GTF2H5: variants seen among roughly 807,000 people sequenced by gnomAD.
GTF2H5 encodes TFB5 ortholog.
Under a neutral mutation model 7.1 loss-of-function variants are expected in GTF2H5, and 5 were observed. The observed-to-expected ratio is 0.71, with a 90% CI of 0.37 to 1.49. The LOEUF (loss-of-function observed/expected upper bound fraction) is 1.49. Among genes scored for constraint, GTF2H5 ranks in the 40% most tolerant of loss-of-function variants. The pLI is 0.03. For missense variants in GTF2H5, 80 were observed against 83.0 expected, an observed-to-expected ratio of 0.96 and a Z score of 0.14; for synonymous variants, 30 against 31.7, an observed-to-expected ratio of 0.95 and a Z score of 0.18.
chr6:158,182,709 G>A (rs1026611610), intron 2 of GTF2H5, among the ~76,000 whole-genome samples: 2 of 151,908 alleles, frequency 1.3e-5, no homozygotes, highest in African/African-American at 2.4e-5. Flanking sequence ...TTCTCGTACT[G>A]TGGTTTTCAG....
chr6:158,177,393 A>C (rs1785947895), intron 2 of GTF2H5, among the ~76,000 whole-genome samples: 1 of 152,202 alleles, frequency 6.6e-6, no homozygotes, highest in African/African-American at 2.4e-5. Flanking sequence ...CTTTTATTTC[A>C]GGGTTTATCC....
In GTF2H5 at chr6:158,193,860, G is replaced by A. The variant is rs537165081; in HGVS notation, c.*1703G>A. On this transcript the variant is annotated 3_prime_UTR_variant, in exon 3 of 3. Transcript: ENST00000607778. ...AAAAATTAGCCGGGCCTGGTGGCGG[G>A]TGCCTGTAGTCCCATCTACTCAGGA... 2 of 152,104 alleles carry A rather than the reference G, an allele frequency of 1.3e-5. No individual in the cohort carries two copies. Among genetic ancestry groups the A allele is most frequent in the East Asian group, 1.9e-4 (1 of 5,166 alleles). The allele number at this position is 152,104 out of a possible 1,614,324, so 9.4% of individuals were successfully genotyped here.
Position 158,169,637 on chromosome 6 carries a change from A to ATAT in GTF2H5, c.-34-833_-34-832insTAT, listed in dbSNP as rs1491296928. Reference sequence around the variant, plus strand: ...TATTACATATAATATATTGTATATTACATATATTGTATATTACATATAATA... The same window carrying ATAT: ...TATTACATATAATATATTGTATATTATATCATATATTGTATATTACATATAATA... On this transcript the variant is annotated intron_variant, in intron 1 of 2. Transcript: ENST00000607778. 1.2e-3 allele frequency among the ~76,000 whole-genome samples: 57 copies of ATAT among 49,368 alleles called. 5 individuals carry two copies. The highest frequency in any genetic ancestry group is 5.8e-3 in the African/African-American group (54 of 9,298). 32.4% of individuals were successfully genotyped at this position (49,368 alleles called of 152,430 possible).
rs112565139 is a variant in GTF2H5, at chr6:158,173,949, G to A, written c.35+3411G>A. Reference sequence around the variant, plus strand: ...GGAGTCCCCAGTCCAGACCATACGGGGTAACTTCTAGATATTGCCATGGCA... The same window carrying A: ...GGAGTCCCCAGTCCAGACCATACGGAGTAACTTCTAGATATTGCCATGGCA... On this transcript the variant is annotated intron_variant, in intron 2 of 2. Coordinates refer to ENST00000607778, the MANE Select transcript of GTF2H5 (RefSeq NM_207118.3). Among the ~76,000 whole-genome samples, 205 of 152,234 alleles carry A rather than the reference G, an allele frequency of 1.3e-3. 1 individual carries two copies. Among genetic ancestry groups the A allele is most frequent in the African/African-American group, 4.7e-3 (194 of 41,536 alleles).
intron 2 of GTF2H5, among the ~76,000 whole-genome samples, chr6:158,177,473 T>C (rs1372679415): frequency 6.6e-6 from 1 of 152,156 alleles, no homozygotes. Context: ...GATGGGGACT[T>C]TTTGATTAGG....
rs1402766176 is a variant in GTF2H5 at position 158,199,288 on chromosome 6, T to C, written c.*7131T>C. On this transcript the variant is annotated 3_prime_UTR_variant, in exon 3 of 3. Coordinates refer to ENST00000607778, the MANE Select transcript of GTF2H5 (RefSeq NM_207118.3). ...TCCCCACCTATACCCAATATATCCA[T>C]GGGACAAGCATGTACATGCACCCCC... 1 of 152,100 alleles carries C rather than the reference T, an allele frequency of 6.6e-6. No homozygotes were observed. Among genetic ancestry groups the C allele is most frequent in the Non-Finnish European group, 1.5e-5 (1 of 68,030 alleles). 9.4% of individuals were successfully genotyped at this position (152,100 alleles called of 1,614,324 possible).
chr6:158,175,038 G>GTATATA (rs1412446243), intron 2 of GTF2H5, among the ~76,000 whole-genome samples: 7 of 133,506 alleles, frequency 5.2e-5, no homozygotes, highest in African/African-American at 2.3e-4. Flanking sequence ...GTGTGTGTGT[G>GTATATA]TGTGTGTATA....
chr6:158,172,602 T>C (rs1014407697), intron 2 of GTF2H5, among the ~76,000 whole-genome samples: 2 of 152,158 alleles, frequency 1.3e-5, no homozygotes, highest in African/African-American at 4.8e-5. Flanking sequence ...CCAGCCTAGC[T>C]TCTTTTTTGT....
chr6:158,176,589 A>T (rs1785937076), intron 2 of GTF2H5, among the ~76,000 whole-genome samples: 1 of 152,192 alleles, frequency 6.6e-6, no homozygotes. Flanking sequence ...TCATAGGTTA[A>T]TGGTTTTGTA....
chr6:158,187,847 T>C (rs1003341274), intron 2 of GTF2H5, among the ~76,000 whole-genome samples: 1 of 152,184 alleles, frequency 6.6e-6, no homozygotes, highest in Non-Finnish European at 1.5e-5. Context: ...ATTACAGGCG[T>C]GAGCCACCGC....
intron 2 of GTF2H5, among the ~76,000 whole-genome samples, chr6:158,188,398 A>C (rs1049427551): frequency 3.3e-5 from 5 of 152,244 alleles, no homozygotes; most frequent in Non-Finnish European, 7.3e-5. Context: ...ATGGTTTTCA[A>C]GAAACTGAAA....
intron 2 of GTF2H5, chr6:158,190,782 T>C (rs894413545): frequency 8.0e-6 from 3 of 374,668 alleles, no homozygotes; most frequent in South Asian, 2.0e-5. Context: ...TTATATGAGA[T>C]TTTTTTCTCA....
At chr6:158,180,021 C>T (rs904357627) in intron 2 of GTF2H5, among the ~76,000 whole-genome samples, 11 of 152,098 alleles carry the variant, frequency 7.2e-5, no homozygotes, top group Non-Finnish European at 1.5e-4. Context: ...TACATTCCAT[C>T]GATACGTAGT....
chr6:158,180,275 C>T (rs947967554), intron 2 of GTF2H5, among the ~76,000 whole-genome samples: 1 of 152,012 alleles, frequency 6.6e-6, no homozygotes, highest in African/African-American at 2.4e-5. Flanking sequence ...TCGGTTTGCC[C>T]GTATTTTATT....
At chr6:158,187,449 G>A (rs905009642) in intron 2 of GTF2H5, among the ~76,000 whole-genome samples, 2 of 152,170 alleles carry the variant, frequency 1.3e-5, no homozygotes, top group Non-Finnish European at 2.9e-5. Flanking sequence ...ATATTTTGGT[G>A]TAAAATACAA....
At position 158,169,637 on chromosome 6, in the gene GTF2H5, A is replaced by ATATAATGTATAT. The variant is rs1491296928; in HGVS notation, c.-34-833_-34-832insTATAATGTATAT. ...TATTACATATAATATATTGTATATTACATATATTGTATATTACATATAATA... is the reference window on the plus strand; with the variant it reads ...TATTACATATAATATATTGTATATTATATAATGTATATCATATATTGTATATTACATATAATA... On this transcript the variant is annotated intron_variant, in intron 1 of 2. Coordinates refer to ENST00000607778, the MANE Select transcript of GTF2H5 (RefSeq NM_207118.3). Among the ~76,000 whole-genome samples the ATATAATGTATAT allele has an allele frequency of 8.1e-5, 4 of 49,420 alleles. 1 individual carries two copies. Among genetic ancestry groups the ATATAATGTATAT allele is most frequent in the African/African-American group, 4.3e-4 (4 of 9,310 alleles). The allele number at this position is 49,420 out of a possible 152,430, so 32.4% of individuals were successfully genotyped here.
intron 2 of GTF2H5, among the ~76,000 whole-genome samples, chr6:158,180,588 T>C (rs1227487851): frequency 6.6e-6 from 1 of 152,190 alleles, no homozygotes; most frequent in African/African-American, 2.4e-5. Context: ...TTCTTCCTGG[T>C]TGAGACTTGG....
intron 2 of GTF2H5, among the ~76,000 whole-genome samples, chr6:158,173,206 T>C (rs1785881239): frequency 6.6e-6 from 1 of 152,240 alleles, no homozygotes; most frequent in Non-Finnish European, 1.5e-5. Context: ...ACCAGGACTA[T>C]TAAATTTTAT....
rs568755106 is a variant in GTF2H5, at chr6:158,194,245, G to A, written c.*2088G>A. 3.3e-5 allele frequency: 5 copies of A among 152,082 alleles called. No individual in the cohort carries two copies. The highest frequency in any genetic ancestry group is 4.4e-5 in the Non-Finnish European group (3 of 68,024). 9.4% of individuals were successfully genotyped at this position (152,082 alleles called of 1,614,324 possible). ...ATTGAACAGTGACTGTGTTGTACCC[G>A]AGCAAGTTAGAGGAACGCCACACTT... On this transcript the variant is annotated 3_prime_UTR_variant, in exon 3 of 3. Coordinates refer to ENST00000607778, the MANE Select transcript of GTF2H5 (RefSeq NM_207118.3).
Sources: gnomAD v4.1 joint callset for allele counts (sites outside exome capture counted in the v4.1 genomes callset) on GRCh38, gnomAD v4.1.1 for gene constraint, MANE v1.5 for transcripts, NCBI Gene and HGNC (gene_info 2026-07-23, HGNC 2026-07-21) for gene names.